The following NBEA variants were observed in gnomAD, a reference collection of about 807,000 sequenced individuals.
NBEA encodes lysosomal-trafficking regulator 2.
In NBEA, 44 loss-of-function variants were observed where a neutral mutation model predicts 343.4. The observed-to-expected ratio is 0.13, with a 90% confidence interval of 0.10 to 0.16. The LOEUF (loss-of-function observed/expected upper bound fraction) is 0.16. NBEA is among the 10% of genes least tolerant of loss of function. NBEA has a pLI of 1.00. For missense variants in NBEA, 2,555 were observed against 3,631.3 expected (o/e 0.70, Z 7.62); for synonymous variants, 1,175 against 1,238.7 (o/e 0.95, Z 1.08).
At chr13:35,455,047 A>T (rs994895868) in intron 40 of NBEA, among the ~76,000 whole-genome samples, 1 of 152,058 alleles carries the variant, frequency 6.6e-6, no homozygotes, top group Non-Finnish European at 1.5e-5. Flanking sequence ...ACTTAATGAA[A>T]TGGCTTGCAT....
At chr13:35,299,071 A>G (rs1186456569) in intron 35 of NBEA, among the ~76,000 whole-genome samples, 1 of 152,152 alleles carries the variant, frequency 6.6e-6, no homozygotes, top group Non-Finnish European at 1.5e-5. Flanking sequence ...TTCAACTTAC[A>G]GCACAGAATT....
chr13:35,246,859 G>C (rs971497865), intron 34 of NBEA, among the ~76,000 whole-genome samples: 7 of 152,130 alleles, frequency 4.6e-5, no homozygotes, highest in Admixed American at 4.6e-4. Context: ...TCTCCAAAGA[G>C]AATATGATCT....
chr13:35,506,241 T>A (rs928304531), intron 41 of NBEA, among the ~76,000 whole-genome samples: 14 of 152,108 alleles, frequency 9.2e-5, no homozygotes, highest in Admixed American at 4.6e-4. Flanking sequence ...ATATATATAT[T>A]TTATTTTTGT....
chr13:35,124,805 T>C (rs2067027972), intron 17 of NBEA, among the ~76,000 whole-genome samples: 1 of 151,242 alleles, frequency 6.6e-6, no homozygotes, highest in Admixed American at 6.6e-5. Flanking sequence ...TATATGGATA[T>C]ATATACACAC....
chr13:35,338,321 T>G, intron 36 of NBEA, among the ~76,000 whole-genome samples: 1 of 151,970 alleles, frequency 6.6e-6, no homozygotes, highest in East Asian at 1.9e-4. Flanking sequence ...ATACTTACTA[T>G]AAACCATTGT....
At chr13:35,051,424 C>T (rs1030067557) in intron 6 of NBEA, among the ~76,000 whole-genome samples, 18 of 151,598 alleles carry the variant, frequency 1.2e-4, no homozygotes, top group Non-Finnish European at 2.9e-5. Context: ...TTCCCATATA[C>T]GGAAAAATAT....
intron 4 of NBEA, among the ~76,000 whole-genome samples, chr13:35,046,226 A>G (rs1365749996): frequency 6.6e-6 from 1 of 152,158 alleles, no homozygotes; most frequent in Non-Finnish European, 1.5e-5. Flanking sequence ...GCTGTTATAA[A>G]TAAAATTGCT....
chr13:35,310,837 A>G (rs1252960739), intron 36 of NBEA, among the ~76,000 whole-genome samples: 1 of 152,206 alleles, frequency 6.6e-6, no homozygotes, highest in East Asian at 1.9e-4. Flanking sequence ...CTTTTCAAGT[A>G]GGGGAGTCAT....
chr13:35,570,212 T>G (rs2080337474), intron 45 of NBEA, among the ~76,000 whole-genome samples: 1 of 152,190 alleles, frequency 6.6e-6, no homozygotes, highest in South Asian at 2.1e-4. Flanking sequence ...TTTTTTGTAT[T>G]TTTAGTAGAG....
intron 27 of NBEA, 23 bp downstream of exon 27, chr13:35,173,617 C>A (rs778719595): frequency 1.3e-6 from 2 of 1,583,936 alleles, no homozygotes; most frequent in South Asian, 1.2e-5. Flanking sequence ...TTTTTCTTGG[C>A]CAAATATAAT....
chr13:35,432,284 C>G lies in NBEA; in HGVS notation c.6195C>G (p.Phe2065Leu). 6.2e-7 allele frequency: 1 copy of G among 1,600,052 alleles called. No individual in the cohort carries two copies. Among genetic ancestry groups the G allele is most frequent in the Non-Finnish European group, 8.5e-7 (1 of 1,172,542 alleles). Residue 2065 changes from phenylalanine (F) to leucine (L), a missense_variant, in exon 39 of 59, where the codon TTC becomes TTG. Physicochemically the swap from Phe to Leu is conservative, Grantham distance 22 (BLOSUM62 0). Around this residue, in one of 21 missense-constraint regions of NBEA, gnomAD observed 246 missense variants for 313.7 expected, o/e 0.78. Coordinates refer to ENST00000379939, the MANE Select transcript of NBEA (RefSeq NM_001385012.1). ...GAVSHSQLHD[F>L]WRLDYWEDDL... ...CTACTCTTAGCCAATTGCATGATTTCTGGCGTTTGGATTACTGGGAAGATG... is the reference window on the plus strand; with the variant it reads ...CTACTCTTAGCCAATTGCATGATTTGTGGCGTTTGGATTACTGGGAAGATG...
At chr13:35,247,149 G>C (rs1393634457) in intron 34 of NBEA, among the ~76,000 whole-genome samples, 1 of 152,118 alleles carries the variant, frequency 6.6e-6, no homozygotes, top group Non-Finnish European at 1.5e-5. Flanking sequence ...TCTCCCAACA[G>C]CATCAAGTTT....
intron 6 of NBEA, among the ~76,000 whole-genome samples, chr13:35,051,940 A>C (rs2063078752): frequency 6.6e-6 from 1 of 152,052 alleles, no homozygotes; most frequent in South Asian, 2.1e-4. Context: ...ATTGTCATTA[A>C]CCAATAAAAA....
chr13:35,308,550 G>GTATA (rs1296458101), intron 35 of NBEA, among the ~76,000 whole-genome samples: 10 of 106,626 alleles, frequency 9.4e-5, no homozygotes, highest in Non-Finnish European at 1.6e-4. Context: ...GTATATATAT[G>GTATA]TATATATGTA....
At chr13:35,227,467 T>A (rs2074718502) in intron 33 of NBEA, among the ~76,000 whole-genome samples, 1 of 152,102 alleles carries the variant, frequency 6.6e-6, no homozygotes, top group Admixed American at 6.6e-5. Context: ...TACCGATGCC[T>A]ACATTTCCTC....
chr13:34,980,524 A>G (rs1217332546), intron 1 of NBEA, among the ~76,000 whole-genome samples: 4 of 151,832 alleles, frequency 2.6e-5, no homozygotes, highest in East Asian at 3.9e-4. Context: ...TGTTCCTCCA[A>G]TGTATGTTGA....
At chr13:35,645,828 T>C in intron 49 of NBEA, 41 bp from the exon 50 acceptor site, 1 of 1,248,634 alleles carries the variant, frequency 8.0e-7, no homozygotes, top group Non-Finnish European at 1.1e-6. Flanking sequence ...TTTTGTATAA[T>C]TGGTAGACTT....
chr13:35,423,744 A>G (rs967244831), intron 38 of NBEA, among the ~76,000 whole-genome samples: 2 of 152,060 alleles, frequency 1.3e-5, no homozygotes, highest in African/African-American at 2.4e-5. Flanking sequence ...CTTGGGCAGT[A>G]TGGCCATTTT....
At chr13:35,326,104 C>T (rs2038539601) in intron 36 of NBEA, among the ~76,000 whole-genome samples, 1 of 151,950 alleles carries the variant, frequency 6.6e-6, no homozygotes, top group Non-Finnish European at 1.5e-5. Flanking sequence ...CTTTGTTCTT[C>T]TTGCTTAGGG....
Sources: allele counts gnomAD v4.1 joint callset (sites outside exome capture counted in the v4.1 genomes callset), GRCh38; gene constraint gnomAD v4.1.1; regional missense constraint gnomAD v4.1.1; transcripts MANE v1.5; gene names NCBI Gene and HGNC (gene_info 2026-07-23, HGNC 2026-07-21).